The following NALF1 variants were observed in gnomAD, a reference collection of about 807,000 sequenced individuals.
NALF1 encodes NALCN channel auxiliary factor 1, also known as family with sequence similarity 155 member A.
In NALF1, 3 loss-of-function variants were observed where a neutral mutation model predicts 48.4. The ratio of observed to expected loss-of-function variants is 0.06; its 90% CI spans 0.03 to 0.16. NALF1 has a LOEUF of 0.16. Ranked by LOEUF, NALF1 falls within the 10% of genes least tolerant of loss-of-function variation. The probability of loss-of-function intolerance (pLI) is 1.00; values close to 1 mark genes in which losing one functional copy is unlikely to be tolerated. For missense variants in NALF1, 526 were observed against 571.5 expected (o/e 0.92, Z 0.81); for synonymous variants, 262 against 245.7 (o/e 1.07, Z -0.62).
At chr13:107,577,507 C>T (rs990637213) in intron 1 of NALF1, among the ~76,000 whole-genome samples, 1 of 152,032 alleles carries the variant, frequency 6.6e-6, no homozygotes, top group Admixed American at 6.6e-5. Flanking sequence ...AGTAGAAAAC[C>T]CCAAAACTAG....
intron 1 of NALF1, among the ~76,000 whole-genome samples, chr13:107,636,676 T>C (rs1480069293): frequency 6.6e-6 from 1 of 152,088 alleles, no homozygotes; most frequent in Non-Finnish European, 1.5e-5. Flanking sequence ...AAAATTATAG[T>C]ATTATTTAAA....
At chr13:107,764,547 G>C (rs1482138150) in intron 1 of NALF1, among the ~76,000 whole-genome samples, 1 of 152,080 alleles carries the variant, frequency 6.6e-6, no homozygotes. Context: ...TCTTATCCAG[G>C]TGACACTAAG....
intron 1 of NALF1, among the ~76,000 whole-genome samples, chr13:107,552,234 T>A (rs1220512394): frequency 6.6e-6 from 1 of 152,182 alleles, no homozygotes; most frequent in African/African-American, 2.4e-5. Flanking sequence ...TCTATTCTTT[T>A]TAGTATATTC....
At chr13:107,729,956 T>C (rs1027757513) in intron 1 of NALF1, among the ~76,000 whole-genome samples, 1 of 152,182 alleles carries the variant, frequency 6.6e-6, no homozygotes, top group Non-Finnish European at 1.5e-5. Flanking sequence ...CTTTGCAATG[T>C]AGTAAAAAAT....
At chr13:107,404,358 G>C (rs1271345649) in intron 1 of NALF1, among the ~76,000 whole-genome samples, 1 of 151,856 alleles carries the variant, frequency 6.6e-6, no homozygotes, top group African/African-American at 2.4e-5. Flanking sequence ...ATAACTTCCC[G>C]GAATTAATGA....
chr13:107,774,432 A>G (rs565500999), intron 1 of NALF1, among the ~76,000 whole-genome samples: 11 of 152,330 alleles, frequency 7.2e-5, no homozygotes, highest in Admixed American at 3.3e-4. Context: ...AAATCCTAAG[A>G]AATTACATTC....
chr13:107,618,477 A>G (rs775827463), intron 1 of NALF1, among the ~76,000 whole-genome samples: 24 of 152,204 alleles, frequency 1.6e-4, no homozygotes, highest in Non-Finnish European at 3.4e-4. Flanking sequence ...TTTTACCTTA[A>G]AAAGATGATT....
intron 1 of NALF1, among the ~76,000 whole-genome samples, chr13:107,782,596 C>T (rs966091700): frequency 1.3e-5 from 2 of 151,400 alleles, no homozygotes. Flanking sequence ...GCCATCCCAT[C>T]TAGGAAGTGA....
intron 1 of NALF1, among the ~76,000 whole-genome samples, chr13:107,604,750 C>T (rs568522749): frequency 1.3e-4 from 20 of 152,092 alleles, no homozygotes; most frequent in Non-Finnish European, 2.9e-4. Context: ...TTCCAAGCTA[C>T]CCGGTGGTGG....
intron 1 of NALF1, among the ~76,000 whole-genome samples, chr13:107,828,875 G>A (rs1403910692): frequency 6.6e-6 from 1 of 151,986 alleles, no homozygotes; most frequent in Non-Finnish European, 1.5e-5. Flanking sequence ...TCAGCTTGGG[G>A]GGACAGTACC....
At chr13:107,492,094 G>A (rs966533058) in intron 1 of NALF1, among the ~76,000 whole-genome samples, 1 of 142,728 alleles carries the variant, frequency 7.0e-6, no homozygotes, top group Non-Finnish European at 1.5e-5. Context: ...CCAGGCTGGA[G>A]GACAGTGGGA....
At chr13:107,479,140 T>C (rs767818670) in intron 1 of NALF1, among the ~76,000 whole-genome samples, 2 of 152,124 alleles carry the variant, frequency 1.3e-5, no homozygotes, top group Non-Finnish European at 2.9e-5. Context: ...TTAAACCAGA[T>C]GAGAGGCAGC....
At chr13:107,544,269 G>A (rs1034791681) in intron 1 of NALF1, among the ~76,000 whole-genome samples, 1 of 152,056 alleles carries the variant, frequency 6.6e-6, no homozygotes, top group African/African-American at 2.4e-5. Context: ...CTAGGATACC[G>A]AAAGAAAATA....
At chr13:107,570,895 G>C (rs1211476077) in intron 1 of NALF1, among the ~76,000 whole-genome samples, 2 of 151,796 alleles carry the variant, frequency 1.3e-5, no homozygotes, top group East Asian at 1.9e-4. Context: ...AGAATGAAAG[G>C]CTCCTTCCAT....
chr13:107,497,405 C>T (rs1462798143), intron 1 of NALF1, among the ~76,000 whole-genome samples: 2 of 152,056 alleles, frequency 1.3e-5, no homozygotes, highest in Non-Finnish European at 2.9e-5. Flanking sequence ...GCCATAACAC[C>T]TCTGTATATC....
chr13:107,530,300 A>T (rs2139106558), intron 1 of NALF1, among the ~76,000 whole-genome samples: 1 of 152,218 alleles, frequency 6.6e-6, no homozygotes, highest in African/African-American at 2.4e-5. Context: ...ATCCCAATCC[A>T]TAATTATTTT....
chr13:107,584,827 C>T (rs1047543028), intron 1 of NALF1, among the ~76,000 whole-genome samples: 1 of 152,176 alleles, frequency 6.6e-6, no homozygotes, highest in Admixed American at 6.5e-5. Flanking sequence ...TTCCTCCCAA[C>T]ACAGTCCTTC....
At position 107,636,873 on chromosome 13, in the gene NALF1, C is replaced by T. The variant is rs150044943; in HGVS notation, c.915+228809G>A. Among the ~76,000 whole-genome samples the T allele has an allele frequency of 6.2e-3, 889 of 143,182 alleles. 4 individuals carry two copies. The highest frequency in any genetic ancestry group is 0.011 in the Non-Finnish European group (712 of 65,442). The allele number at this position is 143,182 out of a possible 152,430, so 93.9% of individuals were successfully genotyped here. On this transcript the variant is annotated intron_variant, in intron 1 of 2. Coordinates refer to ENST00000375915, the MANE Select transcript of NALF1 (RefSeq NM_001080396.3). The stretch of plus-strand genomic sequence containing the variant: ...TTTGTTGTCTTCTTATGAGACTATG[C>T]TAATCTATATTATATATATTATATT...
At chr13:107,573,367 A>G (rs760018722) in intron 1 of NALF1, among the ~76,000 whole-genome samples, 1 of 152,010 alleles carries the variant, frequency 6.6e-6, no homozygotes, top group Non-Finnish European at 1.5e-5. Flanking sequence ...AGCAGTAAAA[A>G]CTGCTGACCT....
Sources: gnomAD v4.1 joint callset for allele counts (sites outside exome capture counted in the v4.1 genomes callset) on GRCh38, gnomAD v4.1.1 for gene constraint, MANE v1.5 for transcripts, NCBI Gene and HGNC (gene_info 2026-07-23, HGNC 2026-07-21) for gene names.